Variants in UBOX5 observed in about 807,000 individuals in gnomAD.
The protein encoded by UBOX5 is U-box domain containing 5, also known as RING finger protein 37.
UBOX5 carries 28 observed loss-of-function variants against 39.0 expected under a neutral mutation model. That is an observed-to-expected ratio of 0.72 (90% confidence interval 0.53 to 0.98). UBOX5 has a LOEUF of 0.98. Among genes scored for constraint, UBOX5 ranks in the 50% least tolerant of loss-of-function variants. The probability of loss-of-function intolerance (pLI) is 0.00; values close to 1 mark genes in which losing one functional copy is unlikely to be tolerated. For synonymous variants in UBOX5, 283 were observed against 275.5 expected (o/e 1.03, Z -0.27); for missense variants, 585 against 674.4 (o/e 0.87, Z 1.47).
At chr20:3,142,092 G>A (rs758705256) in intron 1 of UBOX5, among the ~76,000 whole-genome samples, 2 of 150,562 alleles carry the variant, frequency 1.3e-5, no homozygotes, top group Admixed American at 6.7e-5. Flanking sequence ...CCAGGAGGTC[G>A]AGGCTGCGGT....
rs766999850 is a variant in UBOX5 at position 3,149,296 on chromosome 20, A to G, written c.-42+10470T>C. The stretch of plus-strand genomic sequence containing the variant: ...GGTAGATGAAGAATGAGTGGCTTCT[A>G]CCTATAAAAGCATCCAAATTTACAC... On this transcript the variant is annotated intron_variant, in intron 1 of 4. Coordinates refer to ENST00000217173, the MANE Select transcript of UBOX5 (RefSeq NM_014948.4). The surrounding 1 kb of genome is among the most constrained non-coding windows in gnomAD (Gnocchi z 4.1). 1.8e-6 allele frequency: 1 copy of G among 544,546 alleles called. No homozygotes were observed. The highest frequency in any genetic ancestry group is 3.3e-6 in the Non-Finnish European group (1 of 305,690). 33.7% of individuals were successfully genotyped at this position (544,546 alleles called of 1,614,324 possible). A position where few individuals can be genotyped will look rare whatever the true frequency, so the allele number is the denominator to read the frequency against.
At chr20:3,130,206 AGAGT>A (rs1261829904) in intron 1 of UBOX5, among the ~76,000 whole-genome samples, 1 of 150,628 alleles carries the variant, frequency 6.6e-6, no homozygotes, top group Non-Finnish European at 1.5e-5. Context: ...ACTGGGTGAC[AGAGT>A]GAGACCCTGT....
At chr20:3,155,251 T>C (rs745403469) in intron 1 of UBOX5, among the ~76,000 whole-genome samples, 7 of 151,340 alleles carry the variant, frequency 4.6e-5, no homozygotes, top group Non-Finnish European at 8.8e-5. Flanking sequence ...AAAAGTAGGC[T>C]GGGCACAGCG....
At chr20:3,115,167 C>A in intron 4 of UBOX5, 138 bp downstream of exon 4, 2 of 1,121,300 alleles carry the variant, frequency 1.8e-6, no homozygotes, top group Non-Finnish European at 1.2e-6. Flanking sequence ...CAGGTTCTCT[C>A]CCAGGGTGGG....
rs187582659 is a variant in UBOX5, at chr20:3,146,287, G to A, written c.-42+13479C>T. On this transcript the variant is annotated intron_variant, in intron 1 of 4. Coordinates refer to ENST00000217173, the MANE Select transcript of UBOX5 (RefSeq NM_014948.4). ...ATCTGGGAGGCGGAGGTTGCAGTGAGCTGAGATTGTGCCACTGCATTCCAG... is the reference window on the plus strand; with the variant it reads ...ATCTGGGAGGCGGAGGTTGCAGTGAACTGAGATTGTGCCACTGCATTCCAG... Among the ~76,000 whole-genome samples, 7 of 148,512 alleles carry A rather than the reference G, an allele frequency of 4.7e-5. No individual in the cohort carries two copies. The Admixed American group carries it at 4.9e-4, about 10-fold the overall frequency.
At chr20:3,112,715 A>G (rs896678573) in intron 4 of UBOX5, among the ~76,000 whole-genome samples, 1 of 152,196 alleles carries the variant, frequency 6.6e-6, no homozygotes, top group Non-Finnish European at 1.5e-5. Flanking sequence ...GTGTAATCCC[A>G]GCACTCTGGG....
At chr20:3,111,601 C>A (rs890820459) in intron 4 of UBOX5, 1 of 152,656 alleles carries the variant, frequency 6.6e-6, no homozygotes, top group African/African-American at 2.4e-5. Flanking sequence ...ACACTCTGCG[C>A]TGCTGGCCTC....
intron 1 of UBOX5, among the ~76,000 whole-genome samples, chr20:3,125,114 C>T (rs1461224417): frequency 6.7e-6 from 1 of 149,138 alleles, no homozygotes; most frequent in African/African-American, 2.5e-5. Context: ...CCCGGCCGCC[C>T]CGTCTGGAGG....
At chr20:3,121,092 G>T (rs1568470348) in intron 3 of UBOX5, among the ~76,000 whole-genome samples, 2 of 152,200 alleles carry the variant, frequency 1.3e-5, no homozygotes, top group Non-Finnish European at 2.9e-5. Context: ...GGGACCCCAA[G>T]GAAGGCAACA....
Position 3,149,738 on chromosome 20 carries a change from T to C in UBOX5, c.-42+10028A>G, listed in dbSNP as rs1211482880. 1.3e-5 allele frequency among the ~76,000 whole-genome samples: 2 copies of C among 152,190 alleles called. No homozygotes were observed. The highest frequency in any genetic ancestry group is 2.4e-5 in the African/African-American group (1 of 41,452). On this transcript the variant is annotated intron_variant, in intron 1 of 4. Coordinates refer to ENST00000217173, the MANE Select transcript of UBOX5 (RefSeq NM_014948.4). The surrounding 1 kb of genome is among the most constrained non-coding windows in gnomAD (Gnocchi z 4.1). ...CTGGTATAAAAGATAATTAGTTGGCTGGGTGTGGGTGGCTCATGCCTGTAA... is the reference window on the plus strand; with the variant it reads ...CTGGTATAAAAGATAATTAGTTGGCCGGGTGTGGGTGGCTCATGCCTGTAA...
At position 3,121,785 on chromosome 20, in the gene UBOX5, T is replaced by C; in HGVS notation, c.854A>G (p.Asp285Gly). The change falls in exon 3 of 5, where the codon GAC (aspartate) becomes GGC (glycine). Residue 285 changes from aspartate to glycine, a missense_variant. Physicochemically the swap from Asp to Gly is moderately conservative, Grantham distance 94. Transcript: ENST00000217173. Reference protein sequence around the residue: ...PMLLPSGKVIDQSTLEKCNRS... With the variant: ...PMLLPSGKVIGQSTLEKCNRS... ...GTTACACTTCTCCAGTGTGCTCTGGTCGATGACCTTGCCTGAGGGCAGCAG... is the reference window on the plus strand; with the variant it reads ...GTTACACTTCTCCAGTGTGCTCTGGCCGATGACCTTGCCTGAGGGCAGCAG... 1 of 1,614,068 alleles carries C rather than the reference T, an allele frequency of 6.2e-7. No homozygotes were observed. The highest frequency in any genetic ancestry group is 8.5e-7 in the Non-Finnish European group (1 of 1,180,028).
At chr20:3,114,937 G>A (rs111731122) in intron 4 of UBOX5, among the ~76,000 whole-genome samples, 4 of 152,242 alleles carry the variant, frequency 2.6e-5, no homozygotes, top group African/African-American at 9.6e-5. Flanking sequence ...AACAGGGCGA[G>A]ATGCAGTCTC....
chr20:3,157,024 G>A (rs1256221829), intron 1 of UBOX5, among the ~76,000 whole-genome samples: 1 of 152,162 alleles, frequency 6.6e-6, no homozygotes, highest in East Asian at 1.9e-4. Context: ...CACTTTGGAA[G>A]GCCGAGCAGG....
chr20:3,119,796 G>A (rs975067311), intron 3 of UBOX5, among the ~76,000 whole-genome samples: 1 of 152,162 alleles, frequency 6.6e-6, no homozygotes, highest in African/African-American at 2.4e-5. Context: ...GGAGGCTGCA[G>A]TGAGACGAGA....
chr20:3,110,079 G>C lies in UBOX5; in HGVS notation c.*27C>G. 1 of 1,607,400 alleles carries C rather than the reference G, an allele frequency of 6.2e-7. No homozygotes were observed. Among genetic ancestry groups the C allele is most frequent in the Non-Finnish European group, 8.5e-7 (1 of 1,179,630 alleles). Reference sequence around the variant, plus strand: ...TTCCCCCTCAGCTCCTCCCAGCAATGGGTCTCCTCCAGTGGAGGTCAGTCA... The same window carrying C: ...TTCCCCCTCAGCTCCTCCCAGCAATCGGTCTCCTCCAGTGGAGGTCAGTCA... On this transcript the variant is annotated 3_prime_UTR_variant, in exon 5 of 5. Transcript: ENST00000217173.
At chr20:3,146,689 C>T (rs2066566051) in intron 1 of UBOX5, 1 of 1,470,812 alleles carries the variant, frequency 6.8e-7, no homozygotes, top group Admixed American at 2.2e-5. Context: ...TATCGCCAAA[C>T]TTACATTCTG....
In UBOX5 at chr20:3,122,235, C is replaced by T; in HGVS notation, c.404G>A (p.Gly135Asp). The change falls in exon 3 of 5, where the codon GGC (glycine) becomes GAC (aspartate). Residue 135 changes from glycine to aspartate, a missense_variant. Transcript: ENST00000217173. ...GCCAAAAGGGGGCCTGGCCTTGAAGCCCCTGTGGCTAAACACCACTTGGCT... is the reference window on the plus strand; with the variant it reads ...GCCAAAAGGGGGCCTGGCCTTGAAGTCCCTGTGGCTAAACACCACTTGGCT... ...NQSQVVFSHR[G>D]FKARPPFGAM... is the part of the protein sequence containing the mutation. 1 of 1,614,244 alleles carries T rather than the reference C, an allele frequency of 6.2e-7. No individual in the cohort carries two copies. Among genetic ancestry groups the T allele is most frequent in the South Asian group, 1.1e-5 (1 of 91,086 alleles).
chr20:3,150,344 G>A (rs1479464334), intron 1 of UBOX5, among the ~76,000 whole-genome samples: 3 of 152,264 alleles, frequency 2.0e-5, no homozygotes, highest in South Asian at 2.1e-4. Context: ...TTCAGGGAAC[G>A]CCAATTGACG....
chr20:3,145,364 C>T (rs1445407608), intron 1 of UBOX5, among the ~76,000 whole-genome samples: 3 of 151,312 alleles, frequency 2.0e-5, no homozygotes, highest in African/African-American at 7.3e-5. Flanking sequence ...TGTTGCTGGT[C>T]TGGAACTCCT....
Sources: allele counts gnomAD v4.1 joint callset (sites outside exome capture counted in the v4.1 genomes callset), GRCh38; gene constraint gnomAD v4.1.1; non-coding constraint Gnocchi (gnomAD v3.1); transcripts MANE v1.5; gene names NCBI Gene and HGNC (gene_info 2026-07-23, HGNC 2026-07-21).